METTL16: variants seen among roughly 807,000 people sequenced by gnomAD.
The protein encoded by METTL16 is methyltransferase 16, RNA N6-adenosine.
A neutral mutation model predicts 57.9 loss-of-function variants in METTL16; 19 were observed. The observed-to-expected ratio is 0.33, with a 90% confidence interval of 0.23 to 0.48. The LOEUF is 0.48. METTL16 is among the 20% of genes least tolerant of loss of function. The pLI is 0.99. For missense variants in METTL16, 434 were observed against 691.5 expected, an observed-to-expected ratio of 0.63 and a Z score of 4.18; for synonymous variants, 246 against 255.6, an observed-to-expected ratio of 0.96 and a Z score of 0.36.
intron 2 of METTL16, among the ~76,000 whole-genome samples, chr17:2,481,392 T>C (rs1373863990): frequency 6.6e-6 from 1 of 152,038 alleles, no homozygotes; most frequent in African/African-American, 2.4e-5. Flanking sequence ...CCAAAGTTAA[T>C]ACCCCTAATT....
intron 8 of METTL16, among the ~76,000 whole-genome samples, chr17:2,431,605 A>G (rs975670972): frequency 2.0e-5 from 3 of 152,046 alleles, no homozygotes; most frequent in Admixed American, 2.0e-4. Context: ...GAGGATCGGC[A>G]ATTGCTCTGC....
At chr17:2,453,578 CA>C (rs2067086523) in intron 6 of METTL16, among the ~76,000 whole-genome samples, 1 of 152,180 alleles carries the variant, frequency 6.6e-6, no homozygotes, top group South Asian at 2.1e-4. Context: ...TTCTCCAAAG[CA>C]AACTCTTTAC....
At chr17:2,488,638 G>T (rs1283790737) in intron 2 of METTL16, among the ~76,000 whole-genome samples, 2 of 152,124 alleles carry the variant, frequency 1.3e-5, no homozygotes, top group African/African-American at 4.8e-5. Flanking sequence ...AAGTCTTTGA[G>T]GATATCAAGC....
chr17:2,443,148 C>A (rs1403594874), intron 6 of METTL16, among the ~76,000 whole-genome samples: 1 of 151,822 alleles, frequency 6.6e-6, no homozygotes, highest in South Asian at 2.1e-4. Flanking sequence ...GCCACCACAC[C>A]CGGCTAATTT....
intron 8 of METTL16, among the ~76,000 whole-genome samples, chr17:2,428,030 G>A (rs1427044124): frequency 4.6e-5 from 7 of 150,656 alleles, no homozygotes; most frequent in African/African-American, 1.5e-4. Flanking sequence ...GGGAAGGAGA[G>A]GGATGGGAAA....
At position 2,420,578 on chromosome 17, in the gene METTL16, G is replaced by A; in HGVS notation, c.1081C>T (p.Pro361Ser). The stretch of plus-strand genomic sequence containing the variant: ...AGGCTGACTTCCTCTTTTCCACAGG[G>A]AACTCGTTTATGCTGGACCTGTTTG... Reference protein sequence around the residue: ...TDLKVQHKRVPCGKEEVSLFL... With the variant: ...TDLKVQHKRVSCGKEEVSLFL... The change falls in exon 10 of 10, where the codon CCC (proline) becomes TCC (serine). Residue 361 changes from proline (P) to serine (S), a missense_variant. Physicochemically the swap from Pro to Ser is moderately conservative, Grantham distance 74 (BLOSUM62 -1). Coordinates refer to ENST00000263092, the MANE Select transcript of METTL16 (RefSeq NM_024086.4). This position sits in a 1 kb window ranked among gnomAD's most constrained non-coding sequence, Gnocchi z 5.4. The A allele has an allele frequency of 1.2e-6, 2 of 1,611,654 alleles. No homozygotes were observed. The highest frequency in any genetic ancestry group is 2.2e-5 in the East Asian group (1 of 44,860).
chr17:2,491,174 G>A (rs377184844), intron 2 of METTL16, among the ~76,000 whole-genome samples: 18 of 152,310 alleles, frequency 1.2e-4, no homozygotes, highest in African/African-American at 4.3e-4. Context: ...TCTCATTTCA[G>A]AGATCACAGG....
At chr17:2,496,609 A>T (rs2151578036) in intron 2 of METTL16, among the ~76,000 whole-genome samples, 1 of 151,646 alleles carries the variant, frequency 6.6e-6, no homozygotes, top group Middle Eastern at 3.4e-3. Flanking sequence ...TCATTTACCT[A>T]CTTATTTTTG....
chr17:2,441,471 A>G lies in METTL16; in HGVS notation c.798+19T>C, dbSNP rs1362331440. Reference sequence around the variant, plus strand: ...CAAAGAAAAGTAGCTACACGAGAACAGTAATGAGGAAGCCTCACCCCTTGT... The same window carrying G: ...CAAAGAAAAGTAGCTACACGAGAACGGTAATGAGGAAGCCTCACCCCTTGT... On this transcript the variant is annotated intron_variant, in intron 7 of 9. Coordinates refer to ENST00000263092, the MANE Select transcript of METTL16 (RefSeq NM_024086.4). 8 of 1,554,232 alleles carry G rather than the reference A, an allele frequency of 5.1e-6. No homozygotes were observed. The highest frequency in any genetic ancestry group is 7.0e-6 in the Non-Finnish European group (8 of 1,146,602).
chr17:2,435,389 C>T (rs2066902117), intron 8 of METTL16, among the ~76,000 whole-genome samples: 4 of 151,966 alleles, frequency 2.6e-5, no homozygotes, highest in Admixed American at 2.6e-4. Flanking sequence ...TTACCCCCAC[C>T]AGGAGCAAGA....
chr17:2,510,240 C>T (rs1192787005), intron 1 of METTL16, among the ~76,000 whole-genome samples: 2 of 152,144 alleles, frequency 1.3e-5, no homozygotes, highest in Admixed American at 1.3e-4. Flanking sequence ...GTGTGCTGAT[C>T]AAGTCAGAGT....
chr17:2,509,021 G>C (rs900748770), intron 1 of METTL16, among the ~76,000 whole-genome samples: 1 of 151,962 alleles, frequency 6.6e-6, no homozygotes, highest in African/African-American at 2.4e-5. Context: ...CACACCCTAG[G>C]CATCATTTAC....
chr17:2,448,451 C>T (rs1597448949), intron 6 of METTL16, among the ~76,000 whole-genome samples: 1 of 41,348 alleles, frequency 2.4e-5, no homozygotes, highest in Non-Finnish European at 4.4e-5. Context: ...TATCCCCAAC[C>T]CTGTGCTCTC....
At chr17:2,471,986 C>T (rs1303337587) in intron 4 of METTL16, among the ~76,000 whole-genome samples, 3 of 151,696 alleles carry the variant, frequency 2.0e-5, no homozygotes, top group African/African-American at 4.8e-5. Context: ...TGGTGGCAGG[C>T]GCCTGTCATC....
At chr17:2,488,562 C>T (rs912720844) in intron 2 of METTL16, among the ~76,000 whole-genome samples, 1 of 151,760 alleles carries the variant, frequency 6.6e-6, no homozygotes, top group Non-Finnish European at 1.5e-5. Context: ...CCGTTCCCCA[C>T]CCACCAAAAA....
rs2066747421 is a variant in METTL16, at chr17:2,419,890, TG to T, written c.*79del. 1 of 1,530,212 alleles carries T rather than the reference TG, an allele frequency of 6.5e-7. No homozygotes were observed. Among genetic ancestry groups the T allele is most frequent in the African/African-American group, 1.4e-5 (1 of 72,832 alleles). 94.8% of individuals were successfully genotyped at this position (1,530,212 alleles called of 1,614,324 possible). ...CCACATCGTGCTACTAATGGGCCGC[TG>T]GTAGGATTCCTCTTGCCACCCCACA... On this transcript the variant is annotated 3_prime_UTR_variant, in exon 10 of 10. Coordinates refer to ENST00000263092, the MANE Select transcript of METTL16 (RefSeq NM_024086.4).
intron 8 of METTL16, among the ~76,000 whole-genome samples, chr17:2,424,734 G>A (rs1403393873): frequency 6.6e-6 from 1 of 151,758 alleles, no homozygotes; most frequent in African/African-American, 2.4e-5. Context: ...GGATCACAAG[G>A]TCGGGAGATT....
chr17:2,420,384 G>A lies in METTL16; in HGVS notation c.1275C>T (p.Gly425=), dbSNP rs1334251160. 2 of 1,613,168 alleles carry A rather than the reference G, an allele frequency of 1.2e-6. No homozygotes were observed. Among genetic ancestry groups the A allele is most frequent in the Admixed American group, 3.3e-5 (2 of 60,006 alleles). ...GCCCACAGGGGGTCCTCTCCTGGGG[G>A]CCCCTGGCCAGTTCTTGGCTATTGC... ...ESGNSQELAR[G]PQERTPCGPA... is the part of the protein sequence containing the mutation. The change falls in exon 10 of 10, where the codon GGC becomes GGT. Residue 425 remains glycine, a synonymous_variant. Coordinates refer to ENST00000263092, the MANE Select transcript of METTL16 (RefSeq NM_024086.4). The surrounding 1 kb of genome is among the most constrained non-coding windows in gnomAD (Gnocchi z 5.4).
At chr17:2,441,875 T>C (rs1253958740) in intron 6 of METTL16, among the ~76,000 whole-genome samples, 1 of 152,218 alleles carries the variant, frequency 6.6e-6, no homozygotes, top group East Asian at 1.9e-4. Context: ...GAAGGCCGTT[T>C]ATCTCTAGGA....
Sources: gnomAD v4.1 joint callset for allele counts (sites outside exome capture counted in the v4.1 genomes callset) on GRCh38, gnomAD v4.1.1 for gene constraint, Gnocchi (gnomAD v3.1) non-coding constraint, MANE v1.5 for transcripts, NCBI Gene and HGNC (gene_info 2026-07-23, HGNC 2026-07-21) for gene names.